Variants in CATSPERD observed in about 807,000 individuals in gnomAD.
The protein encoded by CATSPERD is catsper channel auxiliary subunit delta.
In CATSPERD, 86 loss-of-function variants were observed where a neutral mutation model predicts 98.1. The ratio of observed to expected loss-of-function variants is 0.88; its 90% confidence interval spans 0.74 to 1.05. The LOEUF is 1.05. Among genes scored for constraint, CATSPERD ranks in the 50% least tolerant of loss-of-function variants. The pLI, the probability that CATSPERD is intolerant of heterozygous loss-of-function variation, is 0.00. For missense variants in CATSPERD, 995 were observed against 1,005.7 expected (o/e 0.99, Z 0.14); for synonymous variants, 394 against 390.2 (o/e 1.01, Z -0.12).
At chr19:5,763,090 G>T (rs2145831999) in intron 15 of CATSPERD, 125 bp from the exon 16 acceptor site, 1 of 693,788 alleles carries the variant, frequency 1.4e-6, no homozygotes, top group Non-Finnish European at 2.6e-6. Context: ...TGAATGGATG[G>T]AAGGATGGAT....
At position 5,720,748 on chromosome 19, in the gene CATSPERD, T is replaced by G; in HGVS notation, c.11T>G (p.Leu4Trp). Residue 4 changes from leucine (L) to tryptophan (W), a missense_variant, in exon 1 of 22, where the codon TTG becomes TGG. By Grantham distance (61) the Leu-to-Trp change is moderately conservative. Transcript: ENST00000381624. The part of the protein sequence containing the change: MLM[L>W]MLVAAVTMWL... The stretch of plus-strand genomic sequence containing the variant: ...CGGAAGCCCAAGTCGATGCTGATGT[T>G]GATGCTGGTGGCGGCTGTGACCATG... The G allele has an allele frequency of 6.2e-7, 1 of 1,606,656 alleles. No individual in the cohort carries two copies. The highest frequency in any genetic ancestry group is 1.1e-5 in the South Asian group (1 of 91,000).
intron 16 of CATSPERD, 43 bp from the exon 17 acceptor site, chr19:5,766,060 C>T (rs768263239): frequency 1.2e-5 from 18 of 1,539,204 alleles, no homozygotes; most frequent in Admixed American, 1.7e-5. Flanking sequence ...TCCGGGTGAC[C>T]CTCACTGACC....
At chr19:5,773,641 C>T (rs920910435) in intron 20 of CATSPERD, among the ~76,000 whole-genome samples, 2 of 151,762 alleles carry the variant, frequency 1.3e-5, no homozygotes, top group Non-Finnish European at 2.9e-5. Context: ...TTCAGCCTCC[C>T]AATTAGCTGG....
At chr19:5,773,079 C>A in intron 20 of CATSPERD, 114 bp downstream of exon 20, 6 of 1,098,602 alleles carry the variant, frequency 5.5e-6, no homozygotes, top group Non-Finnish European at 7.7e-6. Context: ...AGAGTTGGGG[C>A]GCGGTGGCTC....
intron 21 of CATSPERD, among the ~76,000 whole-genome samples, chr19:5,776,623 G>A (rs2056746381): frequency 2.0e-5 from 3 of 152,136 alleles, no homozygotes; most frequent in Admixed American, 2.0e-4. Flanking sequence ...CTGTGGGCCA[G>A]AGCTGGCTCA....
chr19:5,743,667 CCTCT>C (rs1044844505), intron 7 of CATSPERD, among the ~76,000 whole-genome samples: 1 of 129,252 alleles, frequency 7.7e-6, no homozygotes, highest in Admixed American at 8.1e-5. Flanking sequence ...TCTCTCTCTT[CCTCT>C]CTCTCTCTCT....
rs376258601 is a variant in CATSPERD at position 5,739,309 on chromosome 19, CTT to C, written c.460-6_460-5del. 8.0e-4 allele frequency: 858 copies of C among 1,066,014 alleles called. No individual in the cohort carries two copies. Among genetic ancestry groups the C allele is most frequent in the Non-Finnish European group, 9.1e-4 (673 of 739,282 alleles). The allele number at this position is 1,066,014 out of a possible 1,614,324, so 66.0% of individuals were successfully genotyped here. On this transcript the variant is annotated splice_polypyrimidine_tract_variant and intron_variant, in intron 6 of 21. Coordinates refer to ENST00000381624, the MANE Select transcript of CATSPERD (RefSeq NM_152784.4). ...GGCATCTTTCTTTCATTCTTTCTTTCTTTTTTTTTTTTATAGCATGTCAGTAA... is the reference window on the plus strand; with the variant it reads ...GGCATCTTTCTTTCATTCTTTCTTTCTTTTTTTTTTATAGCATGTCAGTAA...
chr19:5,736,972 G>T (rs1012169535), intron 5 of CATSPERD, among the ~76,000 whole-genome samples, 166 bp from the exon 6 acceptor site: 4 of 151,968 alleles, frequency 2.6e-5, no homozygotes, highest in Non-Finnish European at 2.9e-5. Flanking sequence ...CAGGAGAATG[G>T]CATGAACCCG....
chr19:5,762,041 C>CATATATATATATAT lies in CATSPERD; in HGVS notation c.1428-1169_1428-1156dup, dbSNP rs71172765. Among the ~76,000 whole-genome samples, 116 of 23,216 alleles carry CATATATATATATAT rather than the reference C, an allele frequency of 5.0e-3. 14 individuals are homozygous for CATATATATATATAT. Among genetic ancestry groups the CATATATATATATAT allele is most frequent in the Non-Finnish European group, 5.6e-3 (58 of 10,420 alleles). 15.2% of individuals were successfully genotyped at this position (23,216 alleles called of 152,430 possible). ...GTGAGAGCCACTGCGCCTGGCCTGCCATATATATATATATATATTTTTTTT... is the reference window on the plus strand; with the variant it reads ...GTGAGAGCCACTGCGCCTGGCCTGCCATATATATATATATATATATATATATATATATTTTTTTT... On this transcript the variant is annotated intron_variant, in intron 15 of 21. Coordinates refer to ENST00000381624, the MANE Select transcript of CATSPERD (RefSeq NM_152784.4).
At chr19:5,724,680 CAG>C (rs979243159) in intron 1 of CATSPERD, 126 bp from the exon 2 acceptor site, 7 of 897,946 alleles carry the variant, frequency 7.8e-6, no homozygotes, top group Admixed American at 3.8e-5. Flanking sequence ...GCCTGGGCGA[CAG>C]AGTGAGACTC....
intron 12 of CATSPERD, among the ~76,000 whole-genome samples, chr19:5,753,312 G>T (rs1176004154): frequency 5.3e-5 from 8 of 151,768 alleles, no homozygotes; most frequent in African/African-American, 1.9e-4. Flanking sequence ...TGTAATCCCA[G>T]CGCTTTGGGA....
chr19:5,763,076 G>A, intron 15 of CATSPERD, 139 bp from the exon 16 acceptor site: 1 of 647,898 alleles, frequency 1.5e-6, no homozygotes, highest in Non-Finnish European at 2.8e-6. Context: ...ATGGGTGGGT[G>A]GAATGAATGG....
At position 5,733,428 on chromosome 19, in the gene CATSPERD, T is replaced by TCCTC. The variant is rs2061319247; in HGVS notation, c.277-426_277-423dup. On this transcript the variant is annotated intron_variant, in intron 4 of 21. Coordinates refer to ENST00000381624, the MANE Select transcript of CATSPERD (RefSeq NM_152784.4). ...TCTTCTCCTTCCTTCCTTCCTTCCTTCCTCCTTTCTTTCTTTCTTTCTCTC... is the reference window on the plus strand; with the variant it reads ...TCTTCTCCTTCCTTCCTTCCTTCCTTCCTCCCTCCTTTCTTTCTTTCTTTCTCTC... Among the ~76,000 whole-genome samples the TCCTC allele has an allele frequency of 2.1e-5, 3 of 142,144 alleles. No individual in the cohort carries two copies. In the Admixed American group the frequency reaches 2.2e-4, roughly 10 times the overall value. 93.3% of individuals were successfully genotyped at this position (142,144 alleles called of 152,430 possible).
rs573139640 is a variant in CATSPERD at position 5,776,298 on chromosome 19, C to G, written c.2079C>G (p.Ile693Met). The change falls in exon 21 of 22, where the codon ATC becomes ATG. Residue 693 changes from isoleucine (I) to methionine (M), a missense_variant. Physicochemically the swap from Ile to Met is conservative, Grantham distance 10. This residue lies in a region of CATSPERD where 762 missense variants were observed against 773.7 expected (regional missense o/e 0.98). Transcript: ENST00000381624. Reference protein sequence around the residue: ...HNGFYVFYISIVDPYYSYCQL... With the variant: ...HNGFYVFYISMVDPYYSYCQL... Reference sequence around the variant, plus strand: ...GCTTTTATGTCTTCTACATTTCGATCGTGGATCCGTACTACAGGTGAGTGG... The same window carrying G: ...GCTTTTATGTCTTCTACATTTCGATGGTGGATCCGTACTACAGGTGAGTGG... The G allele has an allele frequency of 1.7e-4, 269 of 1,614,202 alleles. 4 individuals carry two copies. The South Asian group carries it at 2.8e-3, about 17-fold the overall frequency.
At chr19:5,774,060 C>T (rs922677631) in intron 20 of CATSPERD, among the ~76,000 whole-genome samples, 12 of 151,294 alleles carry the variant, frequency 7.9e-5, no homozygotes, top group African/African-American at 2.9e-4. Context: ...CTCCACCTCC[C>T]GAGTTCAAGC....
chr19:5,759,161 G>A lies in CATSPERD; in HGVS notation c.1427+17G>A, dbSNP rs2145815827. ...CACTTCCAGGTATGTTGTCTCCTGGGAGAGGCGGGGACTGGGCTGCCTACA... is the reference window on the plus strand; with the variant it reads ...CACTTCCAGGTATGTTGTCTCCTGGAAGAGGCGGGGACTGGGCTGCCTACA... On this transcript the variant is annotated intron_variant, in intron 15 of 21. Transcript: ENST00000381624. The A allele has an allele frequency of 6.2e-7, 1 of 1,612,704 alleles. No homozygotes were observed. Among genetic ancestry groups the A allele is most frequent in the South Asian group, 1.1e-5 (1 of 91,068 alleles).
chr19:5,745,956 G>A lies in CATSPERD; in HGVS notation c.701G>A (p.Gly234Glu), dbSNP rs983802960. The change falls in exon 9 of 22, where the codon GGG becomes GAG. Residue 234 changes from glycine (G) to glutamate (E), a missense_variant. Physicochemically the swap from Gly to Glu is moderately conservative, Grantham distance 98. Coordinates refer to ENST00000381624, the MANE Select transcript of CATSPERD (RefSeq NM_152784.4). ...YSDHPLNRSF[G>E]LSFDYNGTLD... is the part of the protein sequence containing the mutation. ...GATCACCCCCTCAACCGGAGTTTCG[G>A]GCTGTCTTTTGACTATAATGGGACT... 3.7e-6 allele frequency: 6 copies of A among 1,613,938 alleles called. No individual in the cohort carries two copies. In the African/African-American group the frequency reaches 8.0e-5, roughly 22 times the overall value.
At chr19:5,720,999 CTTTT>C (rs754682545) in intron 1 of CATSPERD, among the ~76,000 whole-genome samples, 191 bp downstream of exon 1, 1 of 138,750 alleles carries the variant, frequency 7.2e-6, no homozygotes. Context: ...TCTCCTACCT[CTTTT>C]TTTTTTTTTT....
chr19:5,768,643 A>T (rs1290876006), intron 18 of CATSPERD, among the ~76,000 whole-genome samples: 1 of 150,072 alleles, frequency 6.7e-6, no homozygotes, highest in Non-Finnish European at 1.5e-5. Flanking sequence ...GCCTATTATT[A>T]TTTTTTAAGA....
Sources: allele counts gnomAD v4.1 joint callset (sites outside exome capture counted in the v4.1 genomes callset), GRCh38; gene constraint gnomAD v4.1.1; regional missense constraint gnomAD v4.1.1; transcripts MANE v1.5; gene names NCBI Gene and HGNC (gene_info 2026-07-23, HGNC 2026-07-21).